Variants in MMS22L observed in about 807,000 individuals in gnomAD.
MMS22L encodes MMS22 like, DNA repair protein.
A neutral mutation model predicts 159.1 loss-of-function variants in MMS22L; 74 were observed. The observed-to-expected ratio is 0.47, with a 90% confidence interval of 0.39 to 0.56. The LOEUF is 0.56. Ranked by LOEUF, MMS22L falls within the 20% of genes least tolerant of loss-of-function variation. MMS22L has a pLI of 0.00. For missense variants in MMS22L, 1,351 were observed against 1,422.1 expected (o/e 0.95, Z 0.80); for synonymous variants, 517 against 506.9 (o/e 1.02, Z -0.27).
At position 97,280,079 on chromosome 6, in the gene MMS22L, C is replaced by T. The variant is rs183723019; in HGVS notation, c.290+1158G>A. Among the ~76,000 whole-genome samples, 102 of 152,248 alleles carry T rather than the reference C, an allele frequency of 6.7e-4. 1 individual carries two copies. The highest frequency in any genetic ancestry group is 2.3e-3 in the African/African-American group (97 of 41,542). The stretch of plus-strand genomic sequence containing the variant: ...TAATCTTCAGGATTACAGAGGATCA[C>T]TCACTGAGCCTGTTCTATCAATAAA... On this transcript the variant is annotated intron_variant, in intron 3 of 24. Transcript: ENST00000683635.
At chr6:97,254,173 A>G (rs982798330) in intron 10 of MMS22L, 5 of 158,586 alleles carry the variant, frequency 3.2e-5, no homozygotes, top group African/African-American at 1.2e-4. Flanking sequence ...AAAATAAGTA[A>G]TTCATTCCTC....
chr6:97,153,018 TTTTG>T (rs926444279), intron 22 of MMS22L, among the ~76,000 whole-genome samples: 6 of 151,872 alleles, frequency 4.0e-5, no homozygotes, highest in Admixed American at 3.3e-4. Flanking sequence ...TAAAAAAGCT[TTTTG>T]TAGAGATGGA....
Position 97,165,288 on chromosome 6 carries a change from G to C in MMS22L, c.3179C>G (p.Pro1060Arg). The C allele has an allele frequency of 6.2e-7, 1 of 1,613,162 alleles. No homozygotes were observed. The highest frequency in any genetic ancestry group is 1.1e-5 in the South Asian group (1 of 91,066). The change falls in exon 21 of 25, where the codon CCA becomes CGA. Residue 1060 changes from proline (P) to arginine (R), a missense_variant. Transcript: ENST00000683635. ...LLALRNTATI[P>R]PISSLKKCIV... Reference sequence around the variant, plus strand: ...GCATTTCTTTAGAGATGATATTGGTGGAATAGTGGCTGTGTTTCTCAATGC... The same window carrying C: ...GCATTTCTTTAGAGATGATATTGGTCGAATAGTGGCTGTGTTTCTCAATGC...
intron 14 of MMS22L, among the ~76,000 whole-genome samples, chr6:97,199,079 T>C (rs1806854144): frequency 6.6e-6 from 1 of 152,144 alleles, no homozygotes; most frequent in South Asian, 2.1e-4. Flanking sequence ...CAGTAGTACA[T>C]AGTCACTGCT....
chr6:97,197,127 A>C (rs1316619098), intron 14 of MMS22L, among the ~76,000 whole-genome samples: 1 of 152,196 alleles, frequency 6.6e-6, no homozygotes, highest in African/African-American at 2.4e-5. Context: ...GATGCCTTCA[A>C]GGAAATGGTT....
Position 97,267,946 on chromosome 6 carries a change from T to G in MMS22L, c.754A>C (p.Ile252Leu). ...TCACAATGTTCTTCAAATAGGCTGA[T>G]GTTGGTTAAATTGTCACTTGCCAGA... is the stretch of plus-strand genomic sequence containing the variant. ...MNLASDNLTN[I>L]SLFEEHCETL... Residue 252 changes from isoleucine (I) to leucine (L), a missense_variant, in exon 8 of 25, where the codon ATC becomes CTC. By Grantham distance (5) the Ile-to-Leu change is conservative. Transcript: ENST00000683635. 6.2e-7 allele frequency: 1 copy of G among 1,609,072 alleles called. No homozygotes were observed. Among genetic ancestry groups the G allele is most frequent in the Non-Finnish European group, 8.5e-7 (1 of 1,178,232 alleles).
intron 9 of MMS22L, among the ~76,000 whole-genome samples, chr6:97,257,952 G>A (rs1315465179): frequency 6.6e-6 from 1 of 152,098 alleles, no homozygotes; most frequent in Admixed American, 6.6e-5. Context: ...CATCCATTGA[G>A]GATTCTTGCC....
intron 11 of MMS22L, among the ~76,000 whole-genome samples, chr6:97,245,117 T>C (rs767449016): frequency 1.4e-4 from 22 of 151,764 alleles, no homozygotes; most frequent in Admixed American, 2.6e-4. Flanking sequence ...TCTATGTAAA[T>C]ATATATAATA....
chr6:97,229,272 A>C lies in MMS22L; in HGVS notation c.1661T>G (p.Leu554Arg), dbSNP rs774180856. ...AAAAGCAGGCTTGAGGAAATTCAGG[A>C]GGTCTAAAACATGACTTGCAACATC... ...VEDVASHVLD[L>R]LNFLKPAFVT... The change falls in exon 14 of 25, where the codon CTC (leucine) becomes CGC (arginine). Residue 554 changes from leucine (L) to arginine (R), a missense_variant. Leu to Arg is a moderately radical substitution (Grantham distance 102). Transcript: ENST00000683635. The C allele has an allele frequency of 6.2e-7, 1 of 1,614,194 alleles. No individual in the cohort carries two copies. The highest frequency in any genetic ancestry group is 8.5e-7 in the Non-Finnish European group (1 of 1,180,026).
chr6:97,143,627 A>C lies in MMS22L; in HGVS notation c.*3179T>G. ...CAAGGCACTGCAAAAAGATAAAAAGAAGCCTAAGATCCTGTAATGGTAATC... is the reference window on the plus strand; with the variant it reads ...CAAGGCACTGCAAAAAGATAAAAAGCAGCCTAAGATCCTGTAATGGTAATC... On this transcript the variant is annotated 3_prime_UTR_variant, in exon 25 of 25. Coordinates refer to ENST00000683635, the MANE Select transcript of MMS22L (RefSeq NM_001350599.2). 6.6e-6 allele frequency: 1 copy of C among 152,246 alleles called. No homozygotes were observed. The highest frequency in any genetic ancestry group is 1.5e-5 in the Non-Finnish European group (1 of 68,052). 9.4% of individuals were successfully genotyped at this position (152,246 alleles called of 1,614,324 possible).
intron 9 of MMS22L, chr6:97,258,532 T>C (rs937596650): frequency 1.3e-5 from 2 of 152,152 alleles, no homozygotes; most frequent in African/African-American, 2.4e-5. Flanking sequence ...CATTTATATA[T>C]AGTCCTATAT....
At chr6:97,200,993 G>A (rs1807087785) in intron 14 of MMS22L, among the ~76,000 whole-genome samples, 1 of 151,986 alleles carries the variant, frequency 6.6e-6, no homozygotes, top group Non-Finnish European at 1.5e-5. Context: ...ACTCTTATGG[G>A]AATAAGATGT....
Position 97,233,917 on chromosome 6 carries a change from A to G in MMS22L, c.1246T>C (p.Trp416Arg). Residue 416 changes from tryptophan to arginine, a missense_variant, in exon 12 of 25, where the codon TGG becomes CGG. By Grantham distance (101) the Trp-to-Arg change is moderately radical (BLOSUM62 -3). Coordinates refer to ENST00000683635, the MANE Select transcript of MMS22L (RefSeq NM_001350599.2). ...LHCCLTLCDF[W>R]EPNIAIVTIL... The stretch of plus-strand genomic sequence containing the variant: ...GTAACAATTGCAATGTTTGGCTCCC[A>G]GAAATCACAAAGTGTCAAACAACAG... The G allele has an allele frequency of 6.2e-7, 1 of 1,612,472 alleles. No individual in the cohort carries two copies. The highest frequency in any genetic ancestry group is 8.5e-7 in the Non-Finnish European group (1 of 1,179,164).
chr6:97,238,511 G>A (rs1811673558), intron 11 of MMS22L, among the ~76,000 whole-genome samples: 1 of 151,680 alleles, frequency 6.6e-6, no homozygotes, highest in African/African-American at 2.4e-5. Context: ...ACTGGCTCAA[G>A]GAGTACTACG....
intron 19 of MMS22L, among the ~76,000 whole-genome samples, chr6:97,170,246 G>T (rs534698907): frequency 6.6e-6 from 1 of 152,130 alleles, no homozygotes; most frequent in Non-Finnish European, 1.5e-5. Flanking sequence ...TTTCTGCAAC[G>T]GTTGAAACAC....
rs113709026 is a variant in MMS22L, at chr6:97,184,534, A to G, written c.2233+1963T>C. On this transcript the variant is annotated intron_variant, in intron 15 of 24. Transcript: ENST00000683635. ...AAAAATGTTAATCTTCCCTCATAAAATCTGTTCTAGCCTCAATCTTCCTCA... is the reference window on the plus strand; with the variant it reads ...AAAAATGTTAATCTTCCCTCATAAAGTCTGTTCTAGCCTCAATCTTCCTCA... Among the ~76,000 whole-genome samples, 507 of 152,152 alleles carry G rather than the reference A, an allele frequency of 3.3e-3. 3 individuals are homozygous for G. Among genetic ancestry groups the G allele is most frequent in the African/African-American group, 0.012 (480 of 41,514 alleles).
Position 97,173,105 on chromosome 6 carries a change from T to C in MMS22L, c.2797A>G (p.Lys933Glu), listed in dbSNP as rs756074504. 6.2e-7 allele frequency: 1 copy of C among 1,613,386 alleles called. No homozygotes were observed. The highest frequency in any genetic ancestry group is 1.1e-5 in the South Asian group (1 of 90,928). The change falls in exon 19 of 25, where the codon AAA becomes GAA. Residue 933 changes from lysine (K) to glutamate (E), a missense_variant. Transcript: ENST00000683635. Reference sequence around the variant, plus strand: ...AGCTGCAGCCCTGCACTGAAAACTTTTTTTCCCAAATAAGGCTTAATATAT... The same window carrying C: ...AGCTGCAGCCCTGCACTGAAAACTTCTTTTCCCAAATAAGGCTTAATATAT... ...LKYIKPYLGK[K>E]VFSAGLQLTY...
intron 15 of MMS22L, among the ~76,000 whole-genome samples, chr6:97,183,268 T>C (rs529531761): frequency 6.6e-6 from 1 of 152,294 alleles, no homozygotes; most frequent in African/African-American, 2.4e-5. Context: ...CCTGTCCCTT[T>C]TTAGGACACT....
chr6:97,255,319 T>C (rs1490821638), intron 9 of MMS22L, among the ~76,000 whole-genome samples: 1 of 152,178 alleles, frequency 6.6e-6, no homozygotes, highest in Non-Finnish European at 1.5e-5. Flanking sequence ...ACAGTATCTC[T>C]TACCTTTCTA....
Sources: gnomAD v4.1 joint callset for allele counts (sites outside exome capture counted in the v4.1 genomes callset) on GRCh38, gnomAD v4.1.1 for gene constraint, MANE v1.5 for transcripts, NCBI Gene and HGNC (gene_info 2026-07-23, HGNC 2026-07-21) for gene names.